The following CXXC5 variants were observed in gnomAD, a reference collection of about 807,000 sequenced individuals.
The protein encoded by CXXC5 is CXXC finger protein 5.
In CXXC5, 2 loss-of-function variants were observed where a neutral mutation model predicts 17.6. The observed-to-expected ratio is 0.11, with a 90% CI of 0.05 to 0.36. The LOEUF is 0.36. CXXC5 is among the 10% of genes least tolerant of loss of function. The probability of loss-of-function intolerance (pLI) is 1.00; values close to 1 mark genes in which losing one functional copy is unlikely to be tolerated. For synonymous variants in CXXC5, 171 were observed against 193.0 expected (o/e 0.89, Z 0.94); for missense variants, 343 against 458.3 (o/e 0.75, Z 2.30).
In CXXC5 at chr5:139,670,878, GAC is replaced by G. The variant is rs898041514; in HGVS notation, c.-160-9476_-160-9475del. On this transcript the variant is annotated intron_variant, in intron 1 of 2. Transcript: ENST00000302517. The surrounding 1 kb of genome is among the most constrained non-coding windows in gnomAD (Gnocchi z 4.2). ...AACCGGGCACATTCACAGTCCACTG[GAC>G]ACACACACAGTTGTGCAGCACACCT... Among the ~76,000 whole-genome samples, 2 of 152,144 alleles carry G rather than the reference GAC, an allele frequency of 1.3e-5. No homozygotes were observed. Among genetic ancestry groups the G allele is most frequent in the Non-Finnish European group, 2.9e-5 (2 of 68,016 alleles).
rs1469434779 is a variant in CXXC5 at position 139,658,377 on chromosome 5, C to G, written c.-161+9532C>G. ...AGTGTAAATGGTCATGTTTCAGTCT[C>G]CTTGTTTGATGCTAGGGGACACTGA... On this transcript the variant is annotated intron_variant, in intron 1 of 2. Coordinates refer to ENST00000302517, the MANE Select transcript of CXXC5 (RefSeq NM_016463.9). The surrounding 1 kb of genome is among the most constrained non-coding windows in gnomAD (Gnocchi z 4.1). Among the ~76,000 whole-genome samples the G allele has an allele frequency of 6.6e-6, 1 of 152,206 alleles. No individual in the cohort carries two copies. The highest frequency in any genetic ancestry group is 1.5e-5 in the Non-Finnish European group (1 of 68,036).
At chr5:139,674,215 C>T (rs749986048) in intron 1 of CXXC5, among the ~76,000 whole-genome samples, 1 of 152,112 alleles carries the variant, frequency 6.6e-6, no homozygotes, top group Non-Finnish European at 1.5e-5. Flanking sequence ...CTTCTTTTTC[C>T]CTCTGGAAAC....
Position 139,670,122 on chromosome 5 carries a change from C to T in CXXC5, c.-160-10242C>T, listed in dbSNP as rs1756373758. Among the ~76,000 whole-genome samples, 1 of 152,280 alleles carries T rather than the reference C, an allele frequency of 6.6e-6. No individual in the cohort carries two copies. The highest frequency in any genetic ancestry group is 6.5e-5 in the Admixed American group (1 of 15,308). On this transcript the variant is annotated intron_variant, in intron 1 of 2. Transcript: ENST00000302517. This position sits in a 1 kb window ranked among gnomAD's most constrained non-coding sequence, Gnocchi z 4.2. ...GAACCAGCCGGCTCGGCCCCATGGC[C>T]CCTCTCGCCTCATTATTTTTGTGTT...
chr5:139,656,230 G>A (rs1180687571), intron 1 of CXXC5, among the ~76,000 whole-genome samples: 4 of 152,258 alleles, frequency 2.6e-5, no homozygotes, highest in African/African-American at 9.6e-5. Flanking sequence ...CCTGTAATCC[G>A]ATGGCCAGAA....
intron 1 of CXXC5, among the ~76,000 whole-genome samples, chr5:139,654,551 G>T (rs1044269573): frequency 2.0e-5 from 3 of 152,320 alleles, no homozygotes; most frequent in African/African-American, 7.2e-5. Context: ...AGGAATGCAT[G>T]TCCCCCGTGA....
chr5:139,650,933 C>G (rs924068905), intron 1 of CXXC5: 2 of 152,266 alleles, frequency 1.3e-5, no homozygotes, highest in Admixed American at 1.3e-4. Flanking sequence ...TGTCACCCCC[C>G]TCCCAGAACG....
intron 1 of CXXC5, among the ~76,000 whole-genome samples, chr5:139,655,527 C>T (rs1344287301): frequency 6.6e-6 from 1 of 151,904 alleles, no homozygotes; most frequent in Non-Finnish European, 1.5e-5. Flanking sequence ...GTGCCTGCCC[C>T]TGACACTTTC....
At chr5:139,652,171 CGTGTGTGT>C (rs70988712) in intron 1 of CXXC5, among the ~76,000 whole-genome samples, 3 of 114,960 alleles carry the variant, frequency 2.6e-5, no homozygotes, top group Non-Finnish European at 3.8e-5. Context: ...CGCGCGCGCG[CGTGTGTGT>C]GTGTGTGTGT....
At chr5:139,662,675 G>A (rs1755888327) in intron 1 of CXXC5, among the ~76,000 whole-genome samples, 1 of 152,122 alleles carries the variant, frequency 6.6e-6, no homozygotes, top group South Asian at 2.1e-4. Flanking sequence ...GGTTGAGGAG[G>A]AGAGAGGGAC....
intron 1 of CXXC5, chr5:139,679,823 G>C (rs1757075328): frequency 6.6e-6 from 1 of 152,312 alleles, no homozygotes; most frequent in South Asian, 2.1e-4. Context: ...CACCACACCT[G>C]GTTAACTTTT....
chr5:139,681,595 C>A, intron 2 of CXXC5, 148 bp downstream of exon 2: 1 of 944,454 alleles, frequency 1.1e-6, no homozygotes, highest in Non-Finnish European at 1.6e-6. Context: ...GGTCTGGCTT[C>A]AAGACACCAG....
chr5:139,677,932 TG>T (rs1211799163), intron 1 of CXXC5, among the ~76,000 whole-genome samples: 1 of 152,198 alleles, frequency 6.6e-6, no homozygotes, highest in Non-Finnish European at 1.5e-5. Flanking sequence ...ATCCTGGAGC[TG>T]GGAGGAGGGA....
Position 139,680,689 on chromosome 5 carries a change from C to G in CXXC5, c.166C>G (p.Pro56Ala), listed in dbSNP as rs748794317. The change falls in exon 2 of 3, where the codon CCC becomes GCC. Residue 56 changes from proline to alanine, a missense_variant. This residue lies in a region of CXXC5 where 297 missense variants were observed against 363.4 expected (regional missense o/e 0.82). Transcript: ENST00000302517. ...CTCAGTGGCAGATGACACACCACCC[C>G]CCGAGCGTCGGAACAAGAGCGGTAT... ...PASVADDTPPPERRNKSGIIS... is the reference protein window; with the variant it reads ...PASVADDTPPAERRNKSGIIS... The G allele has an allele frequency of 3.7e-6, 6 of 1,613,272 alleles. No homozygotes were observed. Among genetic ancestry groups the G allele is most frequent in the African/African-American group, 1.3e-5 (1 of 74,944 alleles).
intron 1 of CXXC5, among the ~76,000 whole-genome samples, chr5:139,677,054 G>C (rs766969279): frequency 6.6e-6 from 1 of 151,912 alleles, no homozygotes; most frequent in African/African-American, 2.4e-5. Flanking sequence ...CTCCTGCATG[G>C]ACAAAGGGGT....
At chr5:139,653,122 AC>A (rs1755300689) in intron 1 of CXXC5, among the ~76,000 whole-genome samples, 1 of 151,590 alleles carries the variant, frequency 6.6e-6, no homozygotes, top group African/African-American at 2.4e-5. Flanking sequence ...TCCCCCTGCA[AC>A]CCCTACACCC....
chr5:139,660,522 C>T (rs1755737600), intron 1 of CXXC5, among the ~76,000 whole-genome samples: 1 of 152,158 alleles, frequency 6.6e-6, no homozygotes, highest in Admixed American at 6.5e-5. Context: ...TATGCGAAGA[C>T]CCCAACCCAG....
chr5:139,664,727 T>C (rs962515922), intron 1 of CXXC5, among the ~76,000 whole-genome samples: 2 of 152,168 alleles, frequency 1.3e-5, no homozygotes, highest in African/African-American at 4.8e-5. Context: ...AGAGCTCCTG[T>C]AGCCCTGACA....
chr5:139,673,943 C>G (rs975803135), intron 1 of CXXC5, among the ~76,000 whole-genome samples: 3 of 151,942 alleles, frequency 2.0e-5, no homozygotes, highest in African/African-American at 7.3e-5. Flanking sequence ...CCCACCCCAG[C>G]AGGAGGGGTG....
intron 1 of CXXC5, chr5:139,650,894 G>T (rs1485916061): frequency 6.6e-6 from 1 of 152,202 alleles, no homozygotes; most frequent in East Asian, 1.9e-4. Context: ...CTGGAGCTTG[G>T]GGGGGTGGGG....
Sources: gnomAD v4.1 joint callset for allele counts (sites outside exome capture counted in the v4.1 genomes callset) on GRCh38, gnomAD v4.1.1 for gene constraint, gnomAD v4.1.1 regional missense constraint, Gnocchi (gnomAD v3.1) non-coding constraint, MANE v1.5 for transcripts, NCBI Gene and HGNC (gene_info 2026-07-23, HGNC 2026-07-21) for gene names.